MIPOL1: variants seen among roughly 807,000 people sequenced by gnomAD.
MIPOL1 encodes the protein mirror-image polydactyly 1.
MIPOL1 carries 57 observed loss-of-function variants against 60.9 expected under a neutral mutation model. The observed-to-expected ratio is 0.94, with a 90% confidence interval of 0.76 to 1.17. The LOEUF (loss-of-function observed/expected upper bound fraction) is 1.17, where lower values mean the gene tolerates loss of function less well. MIPOL1 is among the 50% of genes most tolerant of loss of function. The pLI, the probability that MIPOL1 is intolerant of heterozygous loss-of-function variation, is 0.00. For synonymous variants in MIPOL1, 179 were observed against 168.8 expected (o/e 1.06, Z -0.47); for missense variants, 551 against 511.6 (o/e 1.08, Z -0.74).
chr14:37,307,955 C>CGAATGAAATTACTTGA, intron 7 of MIPOL1, 101 bp from the exon 8 acceptor site: 1 of 920,776 alleles, frequency 1.1e-6, no homozygotes, highest in Non-Finnish European at 1.7e-6. Context: ...AAAGACTAGT[C>CGAATGAAATTACTTGA]GAATGAAATT....
chr14:37,440,090 T>C (rs955467672), intron 11 of MIPOL1, among the ~76,000 whole-genome samples: 1 of 152,150 alleles, frequency 6.6e-6, no homozygotes, highest in Non-Finnish European at 1.5e-5. Flanking sequence ...CAAGTGCTTC[T>C]CCCAGCTCAG....
intron 11 of MIPOL1, among the ~76,000 whole-genome samples, chr14:37,470,952 T>C (rs972031540): frequency 1.1e-4 from 17 of 152,060 alleles, no homozygotes; most frequent in South Asian, 2.1e-4. Context: ...ATGAGGGATG[T>C]TGGGAGGTGG....
intron 12 of MIPOL1, among the ~76,000 whole-genome samples, chr14:37,508,064 T>G (rs2095295507): frequency 6.6e-6 from 1 of 152,122 alleles, no homozygotes; most frequent in Admixed American, 6.6e-5. Context: ...TTTTATTGAG[T>G]TTAAGAGAAA....
chr14:37,473,759 A>G (rs534685175), intron 11 of MIPOL1, among the ~76,000 whole-genome samples: 4 of 152,336 alleles, frequency 2.6e-5, no homozygotes, highest in Admixed American at 2.0e-4. Context: ...TCCATAGTTT[A>G]CATTAAAGTT....
chr14:37,384,347 G>C (rs2093008892), intron 10 of MIPOL1, among the ~76,000 whole-genome samples: 1 of 147,756 alleles, frequency 6.8e-6, no homozygotes, highest in African/African-American at 2.5e-5. Flanking sequence ...TTTTTAAAAA[G>C]GTAATAGAAA....
chr14:37,258,136 C>A (rs2153372713), intron 3 of MIPOL1, among the ~76,000 whole-genome samples: 1 of 152,232 alleles, frequency 6.6e-6, no homozygotes, highest in African/African-American at 2.4e-5. Flanking sequence ...TTCAGTGATT[C>A]CCGCTTAGTA....
intron 9 of MIPOL1, among the ~76,000 whole-genome samples, chr14:37,362,188 C>T (rs999610155): frequency 6.2e-4 from 95 of 152,116 alleles, no homozygotes; most frequent in Non-Finnish European, 1.2e-4. Flanking sequence ...TTAATTGATG[C>T]AGTTTCTTCA....
intron 3 of MIPOL1, among the ~76,000 whole-genome samples, chr14:37,260,240 TAAAAAAA>T (rs754422554): frequency 8.2e-6 from 1 of 121,254 alleles, no homozygotes; most frequent in Non-Finnish European, 1.8e-5. Flanking sequence ...AGATCTCATC[TAAAAAAA>T]AAAAAAAAAA....
chr14:37,266,915 GTTAT>G lies in MIPOL1; in HGVS notation c.20-20_20-17del. Reference sequence around the variant, plus strand: ...AGTTATGGTGTTTAATATATCATGTGTTATTTGTTTGTTTAAATACAGACATAAC... The same window carrying G: ...AGTTATGGTGTTTAATATATCATGTGTTGTTTGTTTAAATACAGACATAAC... On this transcript the variant is annotated intron_variant, in intron 3 of 12. Transcript: ENST00000684589. 1 of 1,491,626 alleles carries G rather than the reference GTTAT, an allele frequency of 6.7e-7. No individual in the cohort carries two copies. Among genetic ancestry groups the G allele is most frequent in the South Asian group, 1.2e-5 (1 of 86,654 alleles). 92.4% of individuals were successfully genotyped at this position (1,491,626 alleles called of 1,614,324 possible).
Position 37,234,900 on chromosome 14 carries a change from C to T in MIPOL1, c.-198-12203C>T, listed in dbSNP as rs1179493828. 5.9e-5 allele frequency among the ~76,000 whole-genome samples: 9 copies of T among 151,616 alleles called. No homozygotes were observed. In the East Asian group the frequency reaches 1.4e-3, roughly 23 times the overall value. On this transcript the variant is annotated intron_variant, in intron 1 of 12. Transcript: ENST00000684589. The stretch of plus-strand genomic sequence containing the variant: ...AGGCCATTCTCCTGCCTCAGCCTCC[C>T]GAGTAGCTGGGACTGCAGGCGCCCA...
At chr14:37,497,354 G>C (rs1157321878) in intron 11 of MIPOL1, among the ~76,000 whole-genome samples, 3 of 152,184 alleles carry the variant, frequency 2.0e-5, no homozygotes, top group African/African-American at 4.8e-5. Context: ...ACTGCTTTAG[G>C]CATGATAGGC....
rs2094361921 is a variant in MIPOL1, at chr14:37,447,953, C to G, written c.1031+25004C>G. On this transcript the variant is annotated intron_variant, in intron 11 of 12. Transcript: ENST00000684589. ...AGAGATCAAATGACTTGGCCATTGA[C>G]ACAAAAGAGCAAGATTGGAGCCAAA... 2.0e-5 allele frequency among the ~76,000 whole-genome samples: 3 copies of G among 152,016 alleles called. No homozygotes were observed. In the South Asian group the frequency reaches 6.2e-4, roughly 31 times the overall value.
chr14:37,257,506 T>G (rs552746109), intron 3 of MIPOL1, among the ~76,000 whole-genome samples: 14 of 152,156 alleles, frequency 9.2e-5, no homozygotes, highest in Non-Finnish European at 1.8e-4. Context: ...CTAGATAATT[T>G]ATAATTTTAC....
intron 9 of MIPOL1, among the ~76,000 whole-genome samples, chr14:37,344,719 C>A (rs1343385268): frequency 1.3e-5 from 2 of 151,970 alleles, no homozygotes; most frequent in African/African-American, 2.4e-5. Context: ...GTTTGATTAA[C>A]CATTGGTAAA....
chr14:37,299,565 T>A (rs1366263092), intron 7 of MIPOL1, among the ~76,000 whole-genome samples: 1 of 152,152 alleles, frequency 6.6e-6, no homozygotes, highest in Admixed American at 6.6e-5. Flanking sequence ...TGTTCGGATT[T>A]CACTGTGCCA....
At chr14:37,424,878 T>C (rs1446565782) in intron 11 of MIPOL1, among the ~76,000 whole-genome samples, 2 of 152,212 alleles carry the variant, frequency 1.3e-5, no homozygotes, top group African/African-American at 2.4e-5. Flanking sequence ...CCTCTAAAAA[T>C]TCTGACACTT....
At chr14:37,451,894 A>G (rs2094425010) in intron 11 of MIPOL1, among the ~76,000 whole-genome samples, 1 of 139,302 alleles carries the variant, frequency 7.2e-6, no homozygotes, top group African/African-American at 2.9e-5. Context: ...GGCTCACTGC[A>G]AGCTCCGCCT....
chr14:37,543,678 G>A (rs2095537946), intron 12 of MIPOL1, among the ~76,000 whole-genome samples: 1 of 152,158 alleles, frequency 6.6e-6, no homozygotes, highest in Admixed American at 6.5e-5. Flanking sequence ...TCACACCATT[G>A]TGCTCATTAG....
intron 7 of MIPOL1, among the ~76,000 whole-genome samples, chr14:37,293,836 C>A (rs1047951285): frequency 1.3e-5 from 2 of 152,210 alleles, no homozygotes; most frequent in African/African-American, 4.8e-5. Flanking sequence ...TGGGGCCCAC[C>A]ACAGCTCAAG....
Sources: gnomAD v4.1 joint callset for allele counts (sites outside exome capture counted in the v4.1 genomes callset) on GRCh38, gnomAD v4.1.1 for gene constraint, MANE v1.5 for transcripts, NCBI Gene and HGNC (gene_info 2026-07-23, HGNC 2026-07-21) for gene names.